BRCA1: variants seen among roughly 807,000 people sequenced by gnomAD.
BRCA1 encodes breast cancer type 1 susceptibility protein.
In BRCA1, 140 loss-of-function variants were observed where a neutral mutation model predicts 173.7. The observed-to-expected ratio is 0.81, with a 90% confidence interval of 0.70 to 0.93. The LOEUF (loss-of-function observed/expected upper bound fraction) is 0.93. Among genes scored for constraint, BRCA1 ranks in the 40% least tolerant of loss-of-function variants. BRCA1 has a pLI of 0.00. For synonymous variants in BRCA1, 662 were observed against 756.0 expected (o/e 0.88, Z 2.04); for missense variants, 1,983 against 2,172.5 (o/e 0.91, Z 1.73).
intron 19 of BRCA1, among the ~76,000 whole-genome samples, chr17:43,054,175 T>C (rs2051364748): frequency 6.6e-6 from 1 of 152,168 alleles, no homozygotes; most frequent in South Asian, 2.1e-4. Flanking sequence ...TAATACTGCC[T>C]AGCATACAGT....
rs8176187 is a variant in BRCA1, at chr17:43,081,192, A to G, written c.4357+1212T>C. 4.3e-3 allele frequency among the ~76,000 whole-genome samples: 657 copies of G among 152,358 alleles called. 3 individuals are homozygous for G. Among genetic ancestry groups the G allele is most frequent in the African/African-American group, 0.01 (417 of 41,580 alleles). ...GTCTGTGTTTAGACTGAAGATGGTG[A>G]AAGTACCCTAAAGAAGAGTATTATA... On this transcript the variant is annotated intron_variant, in intron 12 of 22. Coordinates refer to ENST00000357654, the MANE Select transcript of BRCA1 (RefSeq NM_007294.4).
At chr17:43,158,181 ATTTTT>A (rs1359095507) in intron 1 of BRCA1, among the ~76,000 whole-genome samples, 1 of 152,124 alleles carries the variant, frequency 6.6e-6, no homozygotes, top group Non-Finnish European at 1.5e-5. Flanking sequence ...AGAACATCCT[ATTTTT>A]ATGACTCTGT....
chr17:43,138,962 A>C lies in BRCA1; in HGVS notation c.-19-14847T>G, dbSNP rs1304292968. On this transcript the variant is annotated intron_variant, in intron 1 of 7. Transcript: ENST00000634433. ...AAGCCAGTGGTACAACCCCCTCCCC[A>C]CAACCTTCACCACCTCTAGCCCCTC... The C allele has an allele frequency of 5.1e-6, 4 of 778,580 alleles. No homozygotes were observed. In the East Asian group the frequency reaches 7.3e-5, roughly 14 times the overall value. The allele number at this position is 778,580 out of a possible 1,614,324, so 48.2% of individuals were successfully genotyped here. A position where few individuals can be genotyped will look rare whatever the true frequency, so the allele number is the denominator to read the frequency against.
chr17:43,048,533 T>TA (rs770202640), intron 21 of BRCA1, among the ~76,000 whole-genome samples: 3,014 of 145,860 alleles, frequency 0.021, 41 homozygotes, highest in Non-Finnish European at 0.033. Flanking sequence ...TTTTTTTTTT[T>TA]AGACAAAGTC....
At chr17:43,118,536 C>T (rs2055400299) in intron 2 of BRCA1, among the ~76,000 whole-genome samples, 1 of 152,030 alleles carries the variant, frequency 6.6e-6, no homozygotes, top group Admixed American at 6.6e-5. Flanking sequence ...ACCACCATGC[C>T]TTGGCCTCCC....
intron 3 of BRCA1, among the ~76,000 whole-genome samples, chr17:43,110,804 T>C (rs2055001835): frequency 6.6e-6 from 1 of 151,902 alleles, no homozygotes; most frequent in African/African-American, 2.4e-5. Context: ...AAACATGGTC[T>C]CTACTAAAAT....
intron 1 of BRCA1, among the ~76,000 whole-genome samples, chr17:43,131,854 G>A (rs578168663): frequency 6.6e-6 from 1 of 152,180 alleles, no homozygotes; most frequent in South Asian, 2.1e-4. Flanking sequence ...CGCAATCTCA[G>A]CTCACTGCAA....
intron 3 of BRCA1, among the ~76,000 whole-genome samples, chr17:43,108,432 C>T (rs961489497): frequency 8.6e-5 from 13 of 151,456 alleles, no homozygotes; most frequent in Admixed American, 4.0e-4. Context: ...CTCTCTTGGC[C>T]GGGTGCAGTG....
In BRCA1 at chr17:43,094,042, G is replaced by T. The variant is rs1555591695; in HGVS notation, c.1489C>A (p.Pro497Thr). 1 of 1,614,020 alleles carries T rather than the reference G, an allele frequency of 6.2e-7. No individual in the cohort carries two copies. Among genetic ancestry groups the T allele is most frequent in the Non-Finnish European group, 8.5e-7 (1 of 1,179,976 alleles). The change falls in exon 10 of 23, where the codon CCC (proline) becomes ACC (threonine). Residue 497 changes from proline (P) to threonine (T), a missense_variant. By Grantham distance (38) the Pro-to-Thr change is conservative. Transcript: ENST00000357654. ...VTEPQIIQER[P>T]LTNKLKRKRR... ...TTACGCTTTAATTTATTTGTGAGGG[G>T]ACGCTCTTGTATTATCTGTGGCTCA...
chr17:43,102,163 C>A (rs985411801), intron 6 of BRCA1, among the ~76,000 whole-genome samples: 1 of 150,710 alleles, frequency 6.6e-6, no homozygotes, highest in African/African-American at 2.4e-5. Context: ...CTCCACCTCC[C>A]GGGTTCATGC....
intron 2 of BRCA1, among the ~76,000 whole-genome samples, chr17:43,119,683 GA>G (rs1379105036): frequency 7.9e-5 from 12 of 152,104 alleles, no homozygotes; most frequent in African/African-American, 2.7e-4. Flanking sequence ...CCTTGACAAA[GA>G]AAACTCTGAT....
chr17:43,078,992 G>A (rs1251230664), intron 12 of BRCA1, among the ~76,000 whole-genome samples: 1 of 152,162 alleles, frequency 6.6e-6, no homozygotes, highest in Non-Finnish European at 1.5e-5. Flanking sequence ...CTGAGGTCAG[G>A]AGTTTGAGAC....
intron 1 of BRCA1, among the ~76,000 whole-genome samples, chr17:43,137,925 A>C (rs1486706996): frequency 6.6e-6 from 1 of 151,796 alleles, no homozygotes; most frequent in African/African-American, 2.4e-5. Context: ...GGTGTCTCGC[A>C]CCTGTAATCC....
chr17:43,149,376 A>T (rs1258336852), intron 1 of BRCA1, among the ~76,000 whole-genome samples: 1 of 151,586 alleles, frequency 6.6e-6, no homozygotes, highest in Non-Finnish European at 1.5e-5. Flanking sequence ...CTGGGATTAC[A>T]GGTGTGAGCC....
At chr17:43,135,274 T>TGCAGGGAGCC (rs1258985512) in intron 1 of BRCA1, among the ~76,000 whole-genome samples, 1 of 151,298 alleles carries the variant, frequency 6.6e-6, no homozygotes, top group Admixed American at 6.6e-5. Context: ...TCCGCAGGCC[T>TGCAGGGAGCC]GCAGGGAGCC....
chr17:43,074,670 A>G (rs750704225), intron 13 of BRCA1, 149 bp from the exon 14 acceptor site: 1 of 738,876 alleles, frequency 1.4e-6, no homozygotes, highest in Non-Finnish European at 2.3e-6. Flanking sequence ...ACAGCCTAGA[A>G]GTCTGGATTC....
chr17:43,110,056 G>A (rs1203282221), intron 3 of BRCA1, among the ~76,000 whole-genome samples: 1 of 151,962 alleles, frequency 6.6e-6, no homozygotes, highest in Non-Finnish European at 1.5e-5. Context: ...TACCACGCCT[G>A]GCTAACTTTT....
chr17:43,105,331 C>T (rs1348914130), intron 4 of BRCA1, among the ~76,000 whole-genome samples: 1 of 152,148 alleles, frequency 6.6e-6, no homozygotes, highest in East Asian at 1.9e-4. Flanking sequence ...CCTCAGACTT[C>T]TGTACTCAAG....
chr17:43,156,244 GA>G (rs200961569), intron 1 of BRCA1, among the ~76,000 whole-genome samples: 1,790 of 140,076 alleles, frequency 0.013, 8 homozygotes, highest in Non-Finnish European at 0.021. Context: ...CTCAAAAAAA[GA>G]AAAAAAAAAA....
Sources: gnomAD v4.1 joint callset for allele counts (sites outside exome capture counted in the v4.1 genomes callset) on GRCh38, gnomAD v4.1.1 for gene constraint, MANE v1.5 for transcripts, NCBI Gene and HGNC (gene_info 2026-07-23, HGNC 2026-07-21) for gene names.